RNF220: variants seen among roughly 807,000 people sequenced by gnomAD.
The protein encoded by RNF220 is ring finger protein 220.
In RNF220, 7 loss-of-function variants were observed where a neutral mutation model predicts 67.1. The observed-to-expected ratio is 0.10, with a 90% CI of 0.06 to 0.20. The LOEUF (loss-of-function observed/expected upper bound fraction) is 0.20, where lower values mean the gene tolerates loss of function less well. Among genes scored for constraint, RNF220 ranks in the 10% least tolerant of loss-of-function variants. RNF220 has a pLI of 1.00. For missense variants in RNF220, 565 were observed against 740.3 expected (o/e 0.76, Z 2.75); for synonymous variants, 270 against 283.2 (o/e 0.95, Z 0.47).
chr1:44,412,824 G>A lies in RNF220; in HGVS notation c.625+102G>A, dbSNP rs1557900033. 1 of 1,328,790 alleles carries A rather than the reference G, an allele frequency of 7.5e-7. No homozygotes were observed. Among genetic ancestry groups the A allele is most frequent in the Non-Finnish European group, 1.0e-6 (1 of 961,600 alleles). The allele number at this position is 1,328,790 out of a possible 1,614,324, so 82.3% of individuals were successfully genotyped here. On this transcript the variant is annotated intron_variant, in intron 2 of 14. Coordinates refer to ENST00000361799, the MANE Select transcript of RNF220 (RefSeq NM_018150.4). The surrounding 1 kb of genome is among the most constrained non-coding windows in gnomAD (Gnocchi z 5.3). ...TTTTGCATGCTCCTAGTAATAGGAA[G>A]GGCCAACTACTTCCCTTTCACTAGC...
intron 2 of RNF220, among the ~76,000 whole-genome samples, chr1:44,523,138 G>A (rs1660072186): frequency 6.6e-6 from 1 of 152,218 alleles, no homozygotes; most frequent in Non-Finnish European, 1.5e-5. Context: ...GTGAGTGTGG[G>A]AATGTTTTGT....
At position 44,565,468 on chromosome 1, in the gene RNF220, G is replaced by C. The variant is rs574484035; in HGVS notation, c.626-48697G>C. On this transcript the variant is annotated intron_variant, in intron 2 of 14. Coordinates refer to ENST00000361799, the MANE Select transcript of RNF220 (RefSeq NM_018150.4). This position sits in a 1 kb window ranked among gnomAD's most constrained non-coding sequence, Gnocchi z 4.2. Reference sequence around the variant, plus strand: ...GAGAGCCGCAGGAGCCGCTTAATCTGCCCCTAGGAAGTGCAGGCTGGGGAC... The same window carrying C: ...GAGAGCCGCAGGAGCCGCTTAATCTCCCCCTAGGAAGTGCAGGCTGGGGAC... Among the ~76,000 whole-genome samples the C allele has an allele frequency of 5.9e-5, 9 of 152,290 alleles. No homozygotes were observed. The East Asian group carries it at 1.5e-3, about 26-fold the overall frequency.
intron 5 of RNF220, 119 bp downstream of exon 5, chr1:44,626,517 T>C: frequency 1.3e-6 from 1 of 777,566 alleles, no homozygotes; most frequent in Non-Finnish European, 2.2e-6. Context: ...CTGAACTGGG[T>C]TTGGTTCCCC....
chr1:44,554,082 G>A (rs1662881833), intron 2 of RNF220, among the ~76,000 whole-genome samples: 1 of 152,162 alleles, frequency 6.6e-6, no homozygotes, highest in African/African-American at 2.4e-5. Context: ...CTTGGTTGTT[G>A]GGGCAGAAGA....
chr1:44,515,219 A>T (rs1659358637), intron 2 of RNF220, among the ~76,000 whole-genome samples: 1 of 152,206 alleles, frequency 6.6e-6, no homozygotes, highest in Admixed American at 6.5e-5. Context: ...CCACTAGGGG[A>T]ATCCAGAACA....
chr1:44,483,836 T>C (rs971967136), intron 2 of RNF220, among the ~76,000 whole-genome samples: 1 of 152,216 alleles, frequency 6.6e-6, no homozygotes, highest in African/African-American at 2.4e-5. Context: ...CCTCTTAGGA[T>C]TTTTTCTGCC....
At chr1:44,632,074 G>A (rs1031616850) in intron 5 of RNF220, 2 of 1,158,156 alleles carry the variant, frequency 1.7e-6, no homozygotes, top group Non-Finnish European at 2.1e-6. Context: ...GGCGGCCGTG[G>A]GGCCCAGAGC....
intron 2 of RNF220, among the ~76,000 whole-genome samples, chr1:44,514,506 A>G (rs190902016): frequency 3.9e-5 from 6 of 152,166 alleles, no homozygotes; most frequent in Non-Finnish European, 8.8e-5. Context: ...TGTGAGCTTC[A>G]CTAGAAGCTC....
intron 2 of RNF220, among the ~76,000 whole-genome samples, chr1:44,566,340 C>T (rs894046757): frequency 1.3e-5 from 2 of 152,076 alleles, no homozygotes; most frequent in East Asian, 3.9e-4. Context: ...GAGGTGGGTA[C>T]CCAGGGGAGC....
intron 2 of RNF220, among the ~76,000 whole-genome samples, chr1:44,443,844 A>T (rs1226505243): frequency 6.6e-6 from 1 of 152,212 alleles, no homozygotes. Context: ...TAATCCCAGC[A>T]CTTTGGGAGG....
At chr1:44,435,831 G>C (rs540167386) in intron 2 of RNF220, among the ~76,000 whole-genome samples, 1 of 152,250 alleles carries the variant, frequency 6.6e-6, no homozygotes, top group African/African-American at 2.4e-5. Flanking sequence ...TCGGGAGGCT[G>C]AGGCAGGAGA....
chr1:44,577,092 C>G (rs1235277881), intron 2 of RNF220, among the ~76,000 whole-genome samples: 2 of 152,234 alleles, frequency 1.3e-5, no homozygotes, highest in Non-Finnish European at 2.9e-5. Flanking sequence ...TCAAGACAGT[C>G]TGTCCAACAT....
At chr1:44,454,710 C>G (rs1027487225) in intron 2 of RNF220, among the ~76,000 whole-genome samples, 1 of 151,262 alleles carries the variant, frequency 6.6e-6, no homozygotes, top group Admixed American at 6.6e-5. Context: ...AGTAAAAACC[C>G]TTTACAGTGT....
intron 2 of RNF220, among the ~76,000 whole-genome samples, chr1:44,474,999 T>G (rs1028067802): frequency 6.6e-6 from 1 of 152,152 alleles, no homozygotes; most frequent in Non-Finnish European, 1.5e-5. Flanking sequence ...AATTTTTTTT[T>G]TCTATGAAAG....
rs55720653 is a variant in RNF220 at position 44,553,371 on chromosome 1, A to AGAAT, written c.626-60756_626-60753dup. Among the ~76,000 whole-genome samples the AGAAT allele has an allele frequency of 4.0e-3, 600 of 150,790 alleles. 11 individuals carry two copies. The highest frequency in any genetic ancestry group is 0.02 in the South Asian group (97 of 4,748). On this transcript the variant is annotated intron_variant, in intron 2 of 14. Coordinates refer to ENST00000361799, the MANE Select transcript of RNF220 (RefSeq NM_018150.4). ...GCCCTACAAATATTTGCTGAGTATA[A>AGAAT]GAATGAATGAATGAATGAATGAATG...
At position 44,621,228 on chromosome 1, in the gene RNF220, T is replaced by C. The variant is rs1643781937; in HGVS notation, c.759-1514T>C. ...ACTGCACCGGACCATGCATCTGTCTTTATGGACATGTGTCTGGGAATATGC... is the reference window on the plus strand; with the variant it reads ...ACTGCACCGGACCATGCATCTGTCTCTATGGACATGTGTCTGGGAATATGC... On this transcript the variant is annotated intron_variant, in intron 3 of 14. Coordinates refer to ENST00000361799, the MANE Select transcript of RNF220 (RefSeq NM_018150.4). The surrounding 1 kb of genome is among the most constrained non-coding windows in gnomAD (Gnocchi z 4.8). 6.6e-6 allele frequency among the ~76,000 whole-genome samples: 1 copy of C among 152,198 alleles called. No individual in the cohort carries two copies.
At chr1:44,491,893 G>A (rs139966644) in intron 2 of RNF220, among the ~76,000 whole-genome samples, 2,045 of 152,178 alleles carry the variant, frequency 0.013, 40 homozygotes, top group African/African-American at 0.047. Context: ...TGAACTCCTG[G>A]TCTCAAGTGA....
At chr1:44,538,685 A>G (rs977642661) in intron 2 of RNF220, among the ~76,000 whole-genome samples, 1 of 152,062 alleles carries the variant, frequency 6.6e-6, no homozygotes, top group Non-Finnish European at 1.5e-5. Flanking sequence ...GGAGGCCGAC[A>G]CAGGTGGATC....
In RNF220 at chr1:44,650,056, G is replaced by A. The variant is rs1226837333; in HGVS notation, c.1629+99G>A. On this transcript the variant is annotated intron_variant, in intron 14 of 14. Transcript: ENST00000361799. This position sits in a 1 kb window ranked among gnomAD's most constrained non-coding sequence, Gnocchi z 4.3. ...CCTGCCTGGGGGAAGTGGGGAGCATGGCGCAAAGGAGAACAGAGCCAGGAG... is the reference window on the plus strand; with the variant it reads ...CCTGCCTGGGGGAAGTGGGGAGCATAGCGCAAAGGAGAACAGAGCCAGGAG... The A allele has an allele frequency of 7.8e-7, 1 of 1,285,684 alleles. No homozygotes were observed. Among genetic ancestry groups the A allele is most frequent in the East Asian group, 2.3e-5 (1 of 43,014 alleles). 79.6% of individuals were successfully genotyped at this position (1,285,684 alleles called of 1,614,324 possible).
Sources: allele counts gnomAD v4.1 joint callset (sites outside exome capture counted in the v4.1 genomes callset), GRCh38; gene constraint gnomAD v4.1.1; non-coding constraint Gnocchi (gnomAD v3.1); transcripts MANE v1.5; gene names NCBI Gene and HGNC (gene_info 2026-07-23, HGNC 2026-07-21).